XRCC4: variants seen among roughly 807,000 people sequenced by gnomAD.
The protein encoded by XRCC4 is X-ray repair cross complementing 4.
Under a neutral mutation model 39.1 loss-of-function variants are expected in XRCC4, and 28 were observed. The ratio of observed to expected loss-of-function variants is 0.72; its 90% CI spans 0.53 to 0.98. The LOEUF (loss-of-function observed/expected upper bound fraction) is 0.98. XRCC4 is among the 50% of genes least tolerant of loss of function. The probability of loss-of-function intolerance (pLI) is 0.00; values close to 1 mark genes in which losing one functional copy is unlikely to be tolerated. For missense variants in XRCC4, 350 were observed against 376.4 expected, an observed-to-expected ratio of 0.93 and a Z score of 0.58; for synonymous variants, 123 against 126.4, an observed-to-expected ratio of 0.97 and a Z score of 0.18.
chr5:83,127,627 C>A (rs6452514), intron 3 of XRCC4, among the ~76,000 whole-genome samples: 74,473 of 151,798 alleles, frequency 0.49, 19,240 homozygotes, highest in African/African-American at 0.63. Context: ...GGACTAATAC[C>A]ATCCCCAATT....
At chr5:83,226,393 A>G (rs1752291617) in intron 6 of XRCC4, among the ~76,000 whole-genome samples, 1 of 152,040 alleles carries the variant, frequency 6.6e-6, no homozygotes, top group Admixed American at 6.6e-5. Flanking sequence ...AGAGCATCAT[A>G]CGTTTCTTTT....
chr5:83,351,196 C>T (rs918586329), intron 7 of XRCC4, among the ~76,000 whole-genome samples: 3 of 152,130 alleles, frequency 2.0e-5, no homozygotes, highest in Admixed American at 6.6e-5. Flanking sequence ...CACCTTCTAC[C>T]GTGAGGCTTC....
intron 3 of XRCC4, among the ~76,000 whole-genome samples, chr5:83,130,021 AGAGAGGGCATCC>A (rs747129845): frequency 4.9e-4 from 75 of 152,270 alleles, no homozygotes; most frequent in Admixed American, 7.2e-4. Context: ...AGGGGTGGTA[AGAGAGGGCATCC>A]CTGTCTTGTG....
intron 7 of XRCC4, among the ~76,000 whole-genome samples, chr5:83,332,196 C>G (rs1037987144): frequency 2.0e-5 from 3 of 149,900 alleles, no homozygotes; most frequent in African/African-American, 7.4e-5. Flanking sequence ...TAAGCTTAAA[C>G]TCTTCTTGAA....
intron 7 of XRCC4, among the ~76,000 whole-genome samples, chr5:83,274,067 A>G (rs751404813): frequency 5.9e-5 from 9 of 152,176 alleles, no homozygotes; most frequent in Non-Finnish European, 1.2e-4. Context: ...GGGAATAGCA[A>G]TACCTACCTC....
intron 1 of XRCC4, among the ~76,000 whole-genome samples, chr5:83,089,613 A>C (rs906121889): frequency 6.6e-6 from 1 of 152,136 alleles, no homozygotes; most frequent in East Asian, 1.9e-4. Context: ...ACAAGTCCTG[A>C]GTCACCTATA....
intron 7 of XRCC4, among the ~76,000 whole-genome samples, chr5:83,325,284 C>G (rs1756214101): frequency 6.6e-6 from 1 of 151,890 alleles, no homozygotes; most frequent in South Asian, 2.1e-4. Flanking sequence ...GGAATCTGTC[C>G]TTAATTTTTT....
chr5:83,300,164 G>T (rs543825068), intron 7 of XRCC4, among the ~76,000 whole-genome samples: 1 of 152,146 alleles, frequency 6.6e-6, no homozygotes, highest in African/African-American at 2.4e-5. Context: ...CATACTTTTT[G>T]GTTACAAAGT....
chr5:83,328,173 C>T (rs929695014), intron 7 of XRCC4, among the ~76,000 whole-genome samples: 2 of 152,036 alleles, frequency 1.3e-5, no homozygotes, highest in Non-Finnish European at 2.9e-5. Context: ...ATAAACCCAT[C>T]AGATCTTGTG....
chr5:83,204,337 A>G (rs992685477), intron 5 of XRCC4, among the ~76,000 whole-genome samples: 1 of 152,212 alleles, frequency 6.6e-6, no homozygotes, highest in African/African-American at 2.4e-5. Context: ...AAAATTTGAT[A>G]TCAGCTAGTC....
At chr5:83,249,524 G>A (rs767903308) in intron 6 of XRCC4, among the ~76,000 whole-genome samples, 24 of 152,274 alleles carry the variant, frequency 1.6e-4, no homozygotes, top group Non-Finnish European at 2.2e-4. Context: ...GTTTAAAGAA[G>A]TGCAAATAGA....
At chr5:83,107,752 A>G (rs1163433558) in intron 2 of XRCC4, among the ~76,000 whole-genome samples, 1 of 151,968 alleles carries the variant, frequency 6.6e-6, no homozygotes, top group African/African-American at 2.4e-5. Flanking sequence ...TAATTGTTCT[A>G]TTATCCACTA....
At chr5:83,244,062 T>C (rs1753010110) in intron 6 of XRCC4, among the ~76,000 whole-genome samples, 3 of 150,888 alleles carry the variant, frequency 2.0e-5, no homozygotes, top group Non-Finnish European at 4.4e-5. Context: ...GGTTTTGGAA[T>C]TGAAGTGGTG....
intron 7 of XRCC4, among the ~76,000 whole-genome samples, chr5:83,322,207 C>G (rs1198197314): frequency 6.6e-6 from 1 of 151,534 alleles, no homozygotes; most frequent in Non-Finnish European, 1.5e-5. Context: ...TAATAGGAAC[C>G]TAATTATAAA....
downstream of XRCC4, among the ~76,000 whole-genome samples, chr5:83,354,681 A>G (rs1561489953): frequency 6.6e-6 from 1 of 152,074 alleles, no homozygotes; most frequent in Non-Finnish European, 1.5e-5. Flanking sequence ...CCTTACCATC[A>G]TTTCTTCTCC....
chr5:83,229,784 T>TA (rs1752431309), intron 6 of XRCC4, among the ~76,000 whole-genome samples: 1 of 151,632 alleles, frequency 6.6e-6, no homozygotes, highest in Non-Finnish European at 1.5e-5. Context: ...TGGTAGTTGA[T>TA]ATGCAGTTTC....
chr5:83,330,081 C>T (rs971411079), intron 7 of XRCC4, among the ~76,000 whole-genome samples: 6 of 152,050 alleles, frequency 3.9e-5, no homozygotes, highest in Non-Finnish European at 7.4e-5. Flanking sequence ...TAATACTCTT[C>T]CCATAACTTC....
At chr5:83,187,638 A>G (rs537962559) in intron 3 of XRCC4, among the ~76,000 whole-genome samples, 1 of 152,298 alleles carries the variant, frequency 6.6e-6, no homozygotes, top group East Asian at 1.9e-4. Context: ...TGTCCATTGG[A>G]GAGTATTTCA....
intron 3 of XRCC4, among the ~76,000 whole-genome samples, chr5:83,181,617 A>G (rs1328985340): frequency 6.6e-6 from 1 of 152,232 alleles, no homozygotes; most frequent in Non-Finnish European, 1.5e-5. Context: ...AAACTAAACC[A>G]GAGTAGGTAC....
Sources: allele counts gnomAD v4.1 joint callset (sites outside exome capture counted in the v4.1 genomes callset), GRCh38; gene constraint gnomAD v4.1.1; transcripts MANE v1.5; gene names NCBI Gene and HGNC (gene_info 2026-07-23, HGNC 2026-07-21).